Variants in NEMP1 observed in about 807,000 individuals in gnomAD.
NEMP1 encodes the protein nuclear envelope integral membrane protein 1.
NEMP1 carries 29 observed loss-of-function variants against 53.7 expected under a neutral mutation model. The observed-to-expected ratio is 0.54, with a 90% confidence interval of 0.40 to 0.74. The LOEUF is 0.74. NEMP1 is among the 30% of genes least tolerant of loss of function. NEMP1 has a pLI of 0.00. For synonymous variants in NEMP1, 193 were observed against 192.9 expected (o/e 1.00, Z 0.00); for missense variants, 477 against 528.6 (o/e 0.90, Z 0.96).
At chr12:57,069,191 A>T in intron 4 of NEMP1, 43 bp downstream of exon 4, 1 of 1,349,510 alleles carries the variant, frequency 7.4e-7, no homozygotes, top group African/African-American at 1.5e-5. Context: ...CAGGCAGGAT[A>T]GGTATGAGCC....
upstream of NEMP1, among the ~76,000 whole-genome samples, chr12:57,083,350 T>C (rs1030821509): frequency 6.6e-6 from 1 of 152,268 alleles, no homozygotes; most frequent in African/African-American, 2.4e-5. Context: ...AGCTTTGTTT[T>C]AATGAGGACA....
At chr12:57,078,942 T>C (rs777797406), upstream of NEMP1, among the ~76,000 whole-genome samples, 1 of 152,202 alleles carries the variant, frequency 6.6e-6, no homozygotes, top group Non-Finnish European at 1.5e-5. Context: ...GAAAAGCAGC[T>C]TTCAGCCTAT....
rs767629214 is a variant in NEMP1 at position 57,078,714 on chromosome 12, G to T, written c.32C>A (p.Pro11Gln). MAGGMKVAVSPAVGPGPWGSG... is the reference protein window; with the variant it reads MAGGMKVAVSQAVGPGPWGSG... ...GCCCCAGGGCCCGGGACCAACTGCC[G>T]GCGAGACCGCCACTTTCATTCCTCC... The change falls in exon 1 of 9, where the codon CCG becomes CAG. Residue 11 changes from proline to glutamine, a missense_variant. Pro to Gln is a moderately conservative substitution (Grantham distance 76, BLOSUM62 -1). Transcript: ENST00000300128. 5 of 1,612,668 alleles carry T rather than the reference G, an allele frequency of 3.1e-6. No homozygotes were observed. Among genetic ancestry groups the T allele is most frequent in the South Asian group, 1.1e-5 (1 of 90,942 alleles).
At chr12:57,073,846 T>C (rs1403759138) in intron 1 of NEMP1, among the ~76,000 whole-genome samples, 2 of 152,216 alleles carry the variant, frequency 1.3e-5, no homozygotes, top group African/African-American at 2.4e-5. Context: ...GGTCTGACTA[T>C]GGTCTTAAAC....
chr12:57,081,633 C>T (rs1213956212), upstream of NEMP1, among the ~76,000 whole-genome samples: 1 of 151,576 alleles, frequency 6.6e-6, no homozygotes, highest in Non-Finnish European at 1.5e-5. Context: ...CGAGGCTGGG[C>T]ACGGTGGCTC....
chr12:57,060,660 T>C, intron 8 of NEMP1, 112 bp downstream of exon 8: 1 of 1,130,936 alleles, frequency 8.8e-7, no homozygotes, highest in South Asian at 1.6e-5. Flanking sequence ...TACTTGAAGA[T>C]TAACAGGAAA....
intron 7 of NEMP1, among the ~76,000 whole-genome samples, chr12:57,061,160 C>CA (rs1435052996): frequency 2.0e-5 from 3 of 149,588 alleles, no homozygotes; most frequent in Admixed American, 6.7e-5. Flanking sequence ...GACTCCATCT[C>CA]AAAAAAAAAG....
At chr12:57,087,606 G>A (rs921997723) in intron 1 of NEMP1, among the ~76,000 whole-genome samples, 117 of 151,992 alleles carry the variant, frequency 7.7e-4, no homozygotes, top group African/African-American at 2.7e-3. Flanking sequence ...GGTTGGAGAA[G>A]AGGACCTGAG....
chr12:57,078,900 C>T, upstream of NEMP1: 1 of 769,340 alleles, frequency 1.3e-6, no homozygotes, highest in Non-Finnish European at 2.0e-6. Flanking sequence ...CCCTATGAGT[C>T]CCGCCCCTTA....
intron 3 of NEMP1, among the ~76,000 whole-genome samples, chr12:57,069,726 T>C (rs182696119): frequency 7.9e-5 from 12 of 151,830 alleles, no homozygotes; most frequent in African/African-American, 2.9e-4. Flanking sequence ...TCTAACTGGC[T>C]GCTTTTCTTG....
At chr12:57,073,410 T>C (rs1281086913) in intron 1 of NEMP1, among the ~76,000 whole-genome samples, 1 of 151,414 alleles carries the variant, frequency 6.6e-6, no homozygotes. Flanking sequence ...GAGGCTGAGG[T>C]GGGCGGATGA....
At chr12:57,061,524 T>C (rs981080240) in intron 7 of NEMP1, among the ~76,000 whole-genome samples, 2 of 150,808 alleles carry the variant, frequency 1.3e-5, no homozygotes, top group African/African-American at 2.4e-5. Context: ...AGGAACCCCA[T>C]CTCTACTAAA....
chr12:57,068,961 G>A (rs961615219), intron 4 of NEMP1, among the ~76,000 whole-genome samples: 4 of 152,124 alleles, frequency 2.6e-5, no homozygotes, highest in African/African-American at 9.7e-5. Context: ...CAATAGAAAG[G>A]GTGATGATGT....
At chr12:57,077,675 G>A (rs537168869) in intron 1 of NEMP1, among the ~76,000 whole-genome samples, 1 of 152,302 alleles carries the variant, frequency 6.6e-6, no homozygotes, top group South Asian at 2.1e-4. Flanking sequence ...AAAATATGTG[G>A]AAAAAGATCA....
At chr12:57,063,989 A>C (rs1329685213) in intron 6 of NEMP1, 82 bp downstream of exon 6, 3 of 791,626 alleles carry the variant, frequency 3.8e-6, no homozygotes, top group Non-Finnish European at 6.0e-6. Flanking sequence ...AAATCCCATA[A>C]GCAGGCAAAA....
At chr12:57,066,421 T>A (rs1201656977) in intron 4 of NEMP1, among the ~76,000 whole-genome samples, 1 of 152,190 alleles carries the variant, frequency 6.6e-6, no homozygotes, top group Admixed American at 6.5e-5. Context: ...CCCTTTGCAC[T>A]CACAACTTGG....
At chr12:57,070,058 T>C (rs2032275942) in intron 3 of NEMP1, among the ~76,000 whole-genome samples, 1 of 152,160 alleles carries the variant, frequency 6.6e-6, no homozygotes, top group African/African-American at 2.4e-5. Flanking sequence ...CCCAGGACCC[T>C]GTGTAGTAAC....
chr12:57,087,678 TCTC>T (rs1237547010), intron 1 of NEMP1, among the ~76,000 whole-genome samples: 23 of 151,296 alleles, frequency 1.5e-4, no homozygotes, highest in African/African-American at 5.6e-4. Flanking sequence ...GGCGGAAAGG[TCTC>T]CTCGCTAGGC....
rs1156464369 is a variant in NEMP1 at position 57,063,327 on chromosome 12, C to A, written c.772G>T (p.Gly258Ter). Residue 258 changes from glycine (G) to a stop codon, truncating the protein, a stop_gained, in exon 7 of 9, where the codon GGA becomes TGA. Transcript: ENST00000300128. LOFTEE classifies it high-confidence loss of function. Reference protein sequence around the residue: ...QYLLSYVLTVGFMSFAVCYKY... With the variant: ...QYLLSYVLTV The stretch of plus-strand genomic sequence containing the variant: ...TAACATACTGCAAAACTCATGAATC[C>A]AACTGTGAGGACATAACCTATGAGA... 1.9e-6 allele frequency: 3 copies of A among 1,613,974 alleles called. No individual in the cohort carries two copies. The highest frequency in any genetic ancestry group is 2.5e-6 in the Non-Finnish European group (3 of 1,179,956).
Sources: gnomAD v4.1 joint callset for allele counts (sites outside exome capture counted in the v4.1 genomes callset) on GRCh38, gnomAD v4.1.1 for gene constraint, MANE v1.5 for transcripts, NCBI Gene and HGNC (gene_info 2026-07-23, HGNC 2026-07-21) for gene names.